HTR2C: variants seen among roughly 807,000 people sequenced by gnomAD.
HTR2C encodes the protein 5-hydroxytryptamine receptor 2C.
A neutral mutation model predicts 21.0 loss-of-function variants in HTR2C; 5 were observed. The ratio of observed to expected loss-of-function variants is 0.24; its 90% CI spans 0.12 to 0.50. HTR2C has a LOEUF of 0.50. Ranked by LOEUF, HTR2C falls within the 20% of genes least tolerant of loss-of-function variation. The pLI is 0.98. For synonymous variants in HTR2C, 150 were observed against 145.3 expected, an observed-to-expected ratio of 1.03 and a Z score of -0.23; for missense variants, 271 against 371.2, an observed-to-expected ratio of 0.73 and a Z score of 2.22.
intron 4 of HTR2C, among the ~76,000 whole-genome samples, chrX:114,807,485 T>TATATATACCATATATATACGC (rs2070486777): frequency 1.2e-5 from 1 of 82,847 alleles, no homozygotes; most frequent in African/African-American, 5.2e-5. Context: ...TATATATACA[T>TATATATACCATATATATACGC]CATATATATA....
intron 5 of HTR2C, among the ~76,000 whole-genome samples, chrX:114,903,785 T>C (rs1275026220): frequency 1.8e-5 from 2 of 112,152 alleles, no homozygotes; most frequent in Non-Finnish European, 3.8e-5. Context: ...ATGCAGCATT[T>C]CCTGTGGGAA....
intron 5 of HTR2C, among the ~76,000 whole-genome samples, chrX:114,888,011 A>AAAAT (rs782245158): frequency 5.0e-4 from 55 of 110,828 alleles, no homozygotes; most frequent in East Asian, 2.0e-3. Context: ...GAGACTCTAA[A>AAAAT]AAATAAATAA....
At chrX:114,775,434 C>T in intron 4 of HTR2C, 1 of 516,529 alleles carries the variant, frequency 1.9e-6, no homozygotes, top group Admixed American at 2.3e-5. Context: ...AGCACACTCA[C>T]CTTCATAAAC....
chrX:114,667,088 A>C (rs1344825692), intron 2 of HTR2C, among the ~76,000 whole-genome samples: 1 of 111,531 alleles, frequency 9.0e-6, no homozygotes, highest in African/African-American at 3.2e-5. Context: ...AATGAGGGAA[A>C]CATAATATCA....
intron 2 of HTR2C, among the ~76,000 whole-genome samples, chrX:114,639,025 A>T (rs1929981731): frequency 9.0e-6 from 1 of 111,467 alleles, no homozygotes; most frequent in Admixed American, 9.6e-5. Context: ...GGTTTCAGTA[A>T]TATTCTACAA....
At chrX:114,630,038 GA>G (rs1481970930) in intron 2 of HTR2C, among the ~76,000 whole-genome samples, 2 of 105,366 alleles carry the variant, frequency 1.9e-5, no homozygotes, top group Non-Finnish European at 3.9e-5. Flanking sequence ...ATAACCAAGA[GA>G]AAAAAAAAAG....
rs142701803 is a variant in HTR2C, at chrX:114,726,944, A to G, written c.8A>G (p.Asn3Ser). 28 of 1,130,825 alleles carry G rather than the reference A, an allele frequency of 2.5e-5. No individual in the cohort carries two copies. The African/African-American group carries it at 5.1e-4, about 21-fold the overall frequency. The allele number at this position is 1,130,825 out of a possible 1,213,427, so 93.2% of individuals were successfully genotyped here. Residue 3 changes from asparagine to serine, a missense_variant, in exon 3 of 6, where the codon AAC becomes AGC. Coordinates refer to ENST00000276198, the MANE Select transcript of HTR2C (RefSeq NM_000868.4). MV[N>S]LRNAVHSFLV... is the part of the protein sequence containing the mutation. ...CTTAAGACTGAAGCAATCATGGTGA[A>G]CCTGAGGAATGCGGTGCATTCATTC... is the stretch of plus-strand genomic sequence containing the variant.
intron 5 of HTR2C, among the ~76,000 whole-genome samples, chrX:114,865,086 A>G (rs1272568235): frequency 9.2e-6 from 1 of 108,628 alleles, no homozygotes; most frequent in Non-Finnish European, 1.9e-5. Context: ...CCTCCCTAAT[A>G]CTTCACTGTC....
intron 2 of HTR2C, among the ~76,000 whole-genome samples, chrX:114,644,354 AATAAATAAATAT>A (rs1374674491): frequency 0.011 from 208 of 18,553 alleles, no homozygotes; most frequent in African/African-American, 0.032. Flanking sequence ...AAAATAAATA[AATAAATAAATAT>A]ATATATATAT....
At chrX:114,702,573 A>G (rs1932570337) in intron 2 of HTR2C, among the ~76,000 whole-genome samples, 1 of 111,630 alleles carries the variant, frequency 9.0e-6, no homozygotes, top group Non-Finnish European at 1.9e-5. Flanking sequence ...CTAAACATGG[A>G]AAGGAACAAC....
intron 5 of HTR2C, among the ~76,000 whole-genome samples, chrX:114,878,678 A>C (rs2071157651): frequency 9.0e-6 from 1 of 111,026 alleles, no homozygotes; most frequent in Non-Finnish European, 1.9e-5. Flanking sequence ...TTTTGTCTGC[A>C]ACACACTGTA....
intron 4 of HTR2C, chrX:114,776,766 C>T (rs2070061675): frequency 5.6e-6 from 2 of 355,528 alleles, no homozygotes; most frequent in Admixed American, 3.3e-5. Context: ...ACTGCAGGTC[C>T]CTTCGACATG....
intron 4 of HTR2C, among the ~76,000 whole-genome samples, chrX:114,795,397 TG>T (rs1166201634): frequency 7.5e-4 from 83 of 111,193 alleles, no homozygotes; most frequent in African/African-American, 2.5e-3. Context: ...TTTTGGCTTT[TG>T]TTGCCATTGC....
intron 4 of HTR2C, among the ~76,000 whole-genome samples, chrX:114,788,584 C>T (rs1234654727): frequency 9.0e-6 from 1 of 110,715 alleles, no homozygotes; most frequent in East Asian, 2.9e-4. Flanking sequence ...ATTCTAATAA[C>T]ATTTTTACCC....
intron 2 of HTR2C, among the ~76,000 whole-genome samples, chrX:114,644,398 TA>T (rs1930279611): frequency 1.2e-5 from 1 of 83,552 alleles, no homozygotes; most frequent in African/African-American, 4.5e-5. Flanking sequence ...TATATATATA[TA>T]TATATATATT....
chrX:114,733,519 A>T (rs782704076), intron 4 of HTR2C, among the ~76,000 whole-genome samples: 2 of 110,032 alleles, frequency 1.8e-5, no homozygotes, highest in Non-Finnish European at 3.8e-5. Context: ...AAAAGTATGC[A>T]TAAGACTCAA....
chrX:114,584,317 GTAGT>G lies in HTR2C; in HGVS notation c.-481_-478del, dbSNP rs1465745768. Reference sequence around the variant, plus strand: ...ATGGCCTTCGTCCGTTTAGAGTAGTGTAGTTAGTTAGGGGCCAACGAAGAAGAAA... The same window carrying G: ...ATGGCCTTCGTCCGTTTAGAGTAGTGTAGTTAGGGGCCAACGAAGAAGAAA... On this transcript the variant is annotated 5_prime_UTR_variant, in exon 1 of 6. Coordinates refer to ENST00000276198, the MANE Select transcript of HTR2C (RefSeq NM_000868.4). 3.5e-5 allele frequency: 4 copies of G among 113,147 alleles called. No homozygotes were observed. The East Asian group carries it at 8.4e-4, about 24-fold the overall frequency. 9.3% of individuals were successfully genotyped at this position (113,147 alleles called of 1,213,427 possible).
intron 5 of HTR2C, among the ~76,000 whole-genome samples, chrX:114,890,263 C>T (rs1556482572): frequency 8.9e-6 from 1 of 111,945 alleles, no homozygotes; most frequent in African/African-American, 3.2e-5. Flanking sequence ...ACTTTGAAAA[C>T]GTATAGTTGC....
intron 4 of HTR2C, among the ~76,000 whole-genome samples, chrX:114,772,000 T>C (rs782465782): frequency 3.1e-4 from 35 of 112,360 alleles, no homozygotes; most frequent in Non-Finnish European, 6.4e-4. Flanking sequence ...GCTCTGTTAC[T>C]GTGGTGAGAG....
Sources: gnomAD v4.1 joint callset for allele counts (sites outside exome capture counted in the v4.1 genomes callset) on GRCh38, gnomAD v4.1.1 for gene constraint, MANE v1.5 for transcripts, NCBI Gene and HGNC (gene_info 2026-07-23, HGNC 2026-07-21) for gene names.